Variants in MDFIC observed in about 807,000 individuals in gnomAD.
MDFIC encodes MyoD family inhibitor domain containing.
Under a neutral mutation model 23.2 loss-of-function variants are expected in MDFIC, and 17 were observed. That is an observed-to-expected ratio of 0.73 (90% CI 0.50 to 1.10). The LOEUF (loss-of-function observed/expected upper bound fraction) is 1.10, where lower values mean the gene tolerates loss of function less well. Among genes scored for constraint, MDFIC ranks in the 50% least tolerant of loss-of-function variants. The probability of loss-of-function intolerance (pLI) is 0.00; values close to 1 mark genes in which losing one functional copy is unlikely to be tolerated. For missense variants in MDFIC, 356 were observed against 316.6 expected, an observed-to-expected ratio of 1.12 and a Z score of -0.95; for synonymous variants, 120 against 115.2, an observed-to-expected ratio of 1.04 and a Z score of -0.27.
At chr7:114,966,709 C>A (rs1026622130) in intron 3 of MDFIC, among the ~76,000 whole-genome samples, 1 of 152,126 alleles carries the variant, frequency 6.6e-6, no homozygotes, top group African/African-American at 2.4e-5. Flanking sequence ...AGTTTAAAAT[C>A]TGGTTGTATA....
intron 2 of MDFIC, among the ~76,000 whole-genome samples, chr7:114,933,253 C>CAT (rs1554470414): frequency 7.4e-6 from 1 of 135,936 alleles, no homozygotes; most frequent in African/African-American, 2.7e-5. Flanking sequence ...GTGTTCCATT[C>CAT]TTTTTTTTTT....
chr7:114,964,843 C>T lies in MDFIC; in HGVS notation c.218-14663C>T, dbSNP rs531119274. ...GGATTACAGGCGTTAGCCACCATGCCGGGCCCCTTGACGTCATTTTTCTAT... is the reference window on the plus strand; with the variant it reads ...GGATTACAGGCGTTAGCCACCATGCTGGGCCCCTTGACGTCATTTTTCTAT... On this transcript the variant is annotated intron_variant, in intron 3 of 4. Coordinates refer to ENST00000393486, the MANE Select transcript of MDFIC (RefSeq NM_001166345.3). Among the ~76,000 whole-genome samples, 13 of 152,286 alleles carry T rather than the reference C, an allele frequency of 8.5e-5. No homozygotes were observed. In the East Asian group the frequency reaches 9.6e-4, roughly 11 times the overall value.
intron 3 of MDFIC, among the ~76,000 whole-genome samples, chr7:114,961,490 C>T (rs1792990828): frequency 6.6e-6 from 1 of 152,056 alleles, no homozygotes; most frequent in Non-Finnish European, 1.5e-5. Flanking sequence ...TCACTTTTCT[C>T]ATATACTTTA....
intron 4 of MDFIC, chr7:115,013,985 C>T (rs6961386): frequency 0.11 from 107,376 of 984,624 alleles, 6,063 homozygotes; most frequent in South Asian, 0.16. Context: ...CCAGTCGCTG[C>T]ATGGACCATC....
intron 4 of MDFIC, among the ~76,000 whole-genome samples, chr7:114,997,014 T>C (rs1791346867): frequency 6.6e-6 from 1 of 152,158 alleles, no homozygotes; most frequent in African/African-American, 2.4e-5. Flanking sequence ...AGTGATCATG[T>C]GTCAAAAGCA....
chr7:114,922,986 C>A lies in MDFIC; in HGVS notation c.-48C>A, dbSNP rs776625636. 6 of 1,535,950 alleles carry A rather than the reference C, an allele frequency of 3.9e-6. No homozygotes were observed. The highest frequency in any genetic ancestry group is 2.9e-5 in the African/African-American group (2 of 69,910). Reference sequence around the variant, plus strand: ...CCCTTCCTCCGTGCGCCCTGCCGGGCGGCGAGCTAGGCGGCAGCGGCGCGG... The same window carrying A: ...CCCTTCCTCCGTGCGCCCTGCCGGGAGGCGAGCTAGGCGGCAGCGGCGCGG... On this transcript the variant is annotated 5_prime_UTR_variant, in exon 2 of 5. Transcript: ENST00000393486.
intron 3 of MDFIC, among the ~76,000 whole-genome samples, chr7:114,977,990 C>G (rs1793348988): frequency 6.8e-6 from 1 of 146,508 alleles, no homozygotes; most frequent in South Asian, 2.1e-4. Flanking sequence ...ATTGATATAA[C>G]CATTAATATT....
At chr7:114,972,706 A>G (rs1793230707) in intron 3 of MDFIC, among the ~76,000 whole-genome samples, 1 of 151,962 alleles carries the variant, frequency 6.6e-6, no homozygotes, top group Non-Finnish European at 1.5e-5. Context: ...ATGGTTCACT[A>G]TAACCTTGCC....
At chr7:114,987,822 T>A (rs553272678) in intron 4 of MDFIC, among the ~76,000 whole-genome samples, 2 of 152,182 alleles carry the variant, frequency 1.3e-5, no homozygotes, top group African/African-American at 4.8e-5. Flanking sequence ...AAAGCAATTA[T>A]CCATCAGAAG....
At chr7:114,963,574 T>A (rs1245109440) in intron 3 of MDFIC, among the ~76,000 whole-genome samples, 2 of 152,180 alleles carry the variant, frequency 1.3e-5, no homozygotes, top group African/African-American at 4.8e-5. Flanking sequence ...ATTGTGCATC[T>A]ATTATTTGTT....
chr7:114,934,610 A>G (rs1792389199), intron 2 of MDFIC, among the ~76,000 whole-genome samples: 2 of 152,210 alleles, frequency 1.3e-5, no homozygotes, highest in South Asian at 4.1e-4. Flanking sequence ...AATACATAAG[A>G]AGCCCTTCAA....
chr7:114,972,793 T>C (rs756600912), intron 3 of MDFIC, among the ~76,000 whole-genome samples: 1 of 152,038 alleles, frequency 6.6e-6, no homozygotes, highest in Admixed American at 6.6e-5. Context: ...TAATTTTTTA[T>C]TTTTTGTAGA....
chr7:114,989,782 A>T (rs1793573868), intron 4 of MDFIC, among the ~76,000 whole-genome samples: 1 of 152,198 alleles, frequency 6.6e-6, no homozygotes, highest in African/African-American at 2.4e-5. Context: ...ACCTTTGGTG[A>T]CTAAAAAGCC....
chr7:114,998,158 A>G (rs1791381237), intron 4 of MDFIC, among the ~76,000 whole-genome samples: 1 of 152,172 alleles, frequency 6.6e-6, no homozygotes, highest in Non-Finnish European at 1.5e-5. Flanking sequence ...AAAAATACAG[A>G]TTGTGCAGGA....
At chr7:114,965,924 A>T (rs1793086172) in intron 3 of MDFIC, among the ~76,000 whole-genome samples, 1 of 152,176 alleles carries the variant, frequency 6.6e-6, no homozygotes, top group African/African-American at 2.4e-5. Context: ...AAAATGTATC[A>T]CTTGCAAAAT....
At chr7:114,934,424 A>G (rs1431590437) in intron 2 of MDFIC, among the ~76,000 whole-genome samples, 1 of 152,204 alleles carries the variant, frequency 6.6e-6, no homozygotes, top group African/African-American at 2.4e-5. Context: ...GCTGCACTTT[A>G]TACCTATTCC....
intron 4 of MDFIC, among the ~76,000 whole-genome samples, chr7:114,982,060 A>G (rs1793426591): frequency 6.6e-6 from 1 of 152,168 alleles, no homozygotes; most frequent in African/African-American, 2.4e-5. Flanking sequence ...ATAATTTTAA[A>G]AATTAAGTTC....
At chr7:114,933,563 C>T (rs979071079) in intron 2 of MDFIC, among the ~76,000 whole-genome samples, 7 of 152,212 alleles carry the variant, frequency 4.6e-5, no homozygotes, top group African/African-American at 1.7e-4. Context: ...AGCCTCCATT[C>T]CTTTTTATAA....
intron 4 of MDFIC, among the ~76,000 whole-genome samples, chr7:114,997,763 AAAAAG>A (rs375379055): frequency 1.3e-4 from 20 of 151,696 alleles, no homozygotes; most frequent in East Asian, 3.9e-4. Flanking sequence ...ACAGAAAAAA[AAAAAG>A]AAAAGAAAAG....
Sources: gnomAD v4.1 joint callset for allele counts (sites outside exome capture counted in the v4.1 genomes callset) on GRCh38, gnomAD v4.1.1 for gene constraint, MANE v1.5 for transcripts, NCBI Gene and HGNC (gene_info 2026-07-23, HGNC 2026-07-21) for gene names.